REDIC1: variants seen among roughly 807,000 people sequenced by gnomAD.
REDIC1 encodes the protein regulator of DNA class I crossover intermediates 1.
the REDIC1 span, among the ~76,000 whole-genome samples, chr12:39,879,083 T>C: frequency 1.3e-5 from 2 of 152,274 alleles, no homozygotes; most frequent in Non-Finnish European, 2.9e-5. Context: ...AGCCTTGCTG[T>C]CTTCTACATG....
chr12:39,636,844 C>T, the REDIC1 span, among the ~76,000 whole-genome samples: 2 of 151,990 alleles, frequency 1.3e-5, no homozygotes, highest in Non-Finnish European at 2.9e-5. Flanking sequence ...TTCAATATCT[C>T]TTGCATACTC....
the REDIC1 span, among the ~76,000 whole-genome samples, chr12:39,704,926 G>C: frequency 1.3e-5 from 2 of 152,040 alleles, no homozygotes; most frequent in African/African-American, 4.8e-5. Context: ...CTGTTGTGGC[G>C]TGGGGGGAGG....
chr12:39,670,343 A>C, the REDIC1 span, among the ~76,000 whole-genome samples: 1 of 152,130 alleles, frequency 6.6e-6, no homozygotes, highest in Non-Finnish European at 1.5e-5. Flanking sequence ...GGTGCATGCC[A>C]CCACACCCAG....
chr12:39,742,904 C>T, the REDIC1 span, among the ~76,000 whole-genome samples: 1 of 152,074 alleles, frequency 6.6e-6, no homozygotes, highest in Non-Finnish European at 1.5e-5. Flanking sequence ...CAGAAACCTC[C>T]GTGGGAAACA....
At chr12:39,792,255 C>A in the REDIC1 span, among the ~76,000 whole-genome samples, 2 of 142,492 alleles carry the variant, frequency 1.4e-5, no homozygotes, top group African/African-American at 5.3e-5. Flanking sequence ...AACGTTAGAC[C>A]TAAAACCATA....
the REDIC1 span, among the ~76,000 whole-genome samples, chr12:39,701,246 A>G: frequency 1.3e-5 from 2 of 152,196 alleles, no homozygotes; most frequent in African/African-American, 4.8e-5. Flanking sequence ...AGGAAGATCT[A>G]CCAAGCAAAT....
the REDIC1 span, among the ~76,000 whole-genome samples, chr12:39,895,551 T>TATATATATAC: frequency 4.5e-5 from 3 of 66,778 alleles, no homozygotes; most frequent in African/African-American, 1.3e-4. Context: ...TATATATATA[T>TATATATATAC]ACACACACAC....
chr12:39,788,334 A>C, the REDIC1 span, among the ~76,000 whole-genome samples: 2 of 152,170 alleles, frequency 1.3e-5, no homozygotes, highest in Admixed American at 1.3e-4. Context: ...GGCCATTATT[A>C]AGTAACAAAT....
the REDIC1 span, among the ~76,000 whole-genome samples, chr12:39,822,669 T>TAAA: frequency 6.6e-6 from 1 of 152,206 alleles, no homozygotes; most frequent in African/African-American, 2.4e-5. Context: ...ATCCTTATAA[T>TAAA]AAAAATCTTA....
the REDIC1 span, among the ~76,000 whole-genome samples, chr12:39,857,517 G>A: frequency 1.2e-4 from 19 of 152,258 alleles, no homozygotes; most frequent in Non-Finnish European, 1.9e-4. Flanking sequence ...TCAAGGTTGC[G>A]TTATTTCTTG....
the REDIC1 span, among the ~76,000 whole-genome samples, chr12:39,731,705 A>G: frequency 3.3e-5 from 5 of 152,198 alleles, no homozygotes; most frequent in Non-Finnish European, 7.3e-5. Context: ...TGCTGTCTTC[A>G]GAGCCATCAG....
the REDIC1 span, among the ~76,000 whole-genome samples, chr12:39,858,076 G>A: frequency 6.6e-6 from 1 of 152,306 alleles, no homozygotes; most frequent in East Asian, 1.9e-4. Context: ...CGAACTCAAA[G>A]AATATGTCCC....
At chr12:39,740,141 C>T in the REDIC1 span, among the ~76,000 whole-genome samples, 1 of 152,188 alleles carries the variant, frequency 6.6e-6, no homozygotes, top group Non-Finnish European at 1.5e-5. Flanking sequence ...GAGATAAAGA[C>T]AGATTTGTTG....
At chr12:39,712,539 C>T in the REDIC1 span, among the ~76,000 whole-genome samples, 11 of 139,002 alleles carry the variant, frequency 7.9e-5, no homozygotes, top group East Asian at 1.1e-3. Flanking sequence ...TACGAATATG[C>T]GTATATACAC....
At chr12:39,696,633 A>C in the REDIC1 span, among the ~76,000 whole-genome samples, 1 of 150,566 alleles carries the variant, frequency 6.6e-6, no homozygotes, top group East Asian at 1.9e-4. Flanking sequence ...CCTTTCAGAC[A>C]CAGTATTCAA....
the REDIC1 span, among the ~76,000 whole-genome samples, chr12:39,790,249 T>C: frequency 2.0e-5 from 3 of 151,816 alleles, no homozygotes; most frequent in East Asian, 1.9e-4. Context: ...CTTTAAGTTT[T>C]AGGGTACATG....
the REDIC1 span, among the ~76,000 whole-genome samples, chr12:39,688,899 G>A: frequency 6.6e-6 from 1 of 152,180 alleles, no homozygotes; most frequent in Non-Finnish European, 1.5e-5. Context: ...TTGTGCTACT[G>A]AACAAGATTG....
At chr12:39,720,557 T>A in the REDIC1 span, among the ~76,000 whole-genome samples, 1 of 152,064 alleles carries the variant, frequency 6.6e-6, no homozygotes, top group South Asian at 2.1e-4. Flanking sequence ...ATTACAAAGA[T>A]TATTATTGTT....
chr12:39,748,129 AC>A, the REDIC1 span, among the ~76,000 whole-genome samples: 1 of 149,020 alleles, frequency 6.7e-6, no homozygotes, highest in East Asian at 2.1e-4. Context: ...AGACACTGGC[AC>A]ATTGGATAAA....
Sources: allele counts gnomAD v4.1 joint callset (sites outside exome capture counted in the v4.1 genomes callset), GRCh38; gene constraint gnomAD v4.1.1; transcripts MANE v1.5; gene names NCBI Gene and HGNC (gene_info 2026-07-23, HGNC 2026-07-21).